The following SWT1 variants were observed in gnomAD, a reference collection of about 807,000 sequenced individuals.
SWT1 encodes transcriptional protein SWT1.
Under a neutral mutation model 107.3 loss-of-function variants are expected in SWT1, and 33 were observed. That is an observed-to-expected ratio of 0.31 (90% CI 0.23 to 0.41). The LOEUF is 0.41. Among genes scored for constraint, SWT1 ranks in the 10% least tolerant of loss-of-function variants. SWT1 has a pLI of 1.00. For synonymous variants in SWT1, 345 were observed against 348.3 expected, an observed-to-expected ratio of 0.99 and a Z score of 0.11; for missense variants, 898 against 1,028.9, an observed-to-expected ratio of 0.87 and a Z score of 1.74.
Position 185,202,516 on chromosome 1 carries a change from T to TA in SWT1, c.1524-132dup, listed in dbSNP as rs961552477. On this transcript the variant is annotated intron_variant, in intron 10 of 18. Coordinates refer to ENST00000367500, the MANE Select transcript of SWT1 (RefSeq NM_017673.7). ...CTAGTACCCAAAGCTCATATTTTTTTAAAAAAGTTGTTATTCTTTCTTAAG... is the reference window on the plus strand; with the variant it reads ...CTAGTACCCAAAGCTCATATTTTTTTAAAAAAAGTTGTTATTCTTTCTTAAG... The TA allele has an allele frequency of 3.5e-5, 20 of 570,214 alleles. No individual in the cohort carries two copies. In the African/African-American group the frequency reaches 4.0e-4, roughly 11 times the overall value. 35.3% of individuals were successfully genotyped at this position (570,214 alleles called of 1,614,324 possible). A position where few individuals can be genotyped will look rare whatever the true frequency, so the allele number is the denominator to read the frequency against.
intron 15 of SWT1, among the ~76,000 whole-genome samples, chr1:185,229,698 A>G (rs1358622414): frequency 1.3e-5 from 2 of 152,100 alleles, no homozygotes; most frequent in African/African-American, 2.4e-5. Context: ...AGAACCAGGT[A>G]TGTTAGTAAT....
chr1:185,228,899 T>C (rs1415097416), intron 15 of SWT1, among the ~76,000 whole-genome samples: 1 of 152,130 alleles, frequency 6.6e-6, no homozygotes, highest in East Asian at 1.9e-4. Context: ...AAAGAACATG[T>C]CTATATACAT....
intron 10 of SWT1, among the ~76,000 whole-genome samples, chr1:185,197,916 G>GT (rs1174864608): frequency 3.3e-5 from 5 of 151,998 alleles, no homozygotes; most frequent in African/African-American, 9.7e-5. Context: ...TTTTTGAAGG[G>GT]TTTTTTGTGT....
intron 16 of SWT1, among the ~76,000 whole-genome samples, chr1:185,235,985 T>C (rs1389784989): frequency 6.6e-6 from 1 of 152,182 alleles, no homozygotes; most frequent in Non-Finnish European, 1.5e-5. Context: ...ATACAACTTT[T>C]ACAAGGGATT....
intron 4 of SWT1, among the ~76,000 whole-genome samples, chr1:185,172,336 G>C (rs1160963479): frequency 6.6e-6 from 1 of 152,132 alleles, no homozygotes; most frequent in African/African-American, 2.4e-5. Context: ...TATATGTACA[G>C]ATTTGTATCC....
At chr1:185,181,600 A>G (rs561667417) in intron 6 of SWT1, among the ~76,000 whole-genome samples, 1 of 152,202 alleles carries the variant, frequency 6.6e-6, no homozygotes, top group Non-Finnish European at 1.5e-5. Flanking sequence ...ATGTCTAGGT[A>G]TTTGGCTCTG....
At chr1:185,236,842 T>A (rs9730169) in intron 16 of SWT1, among the ~76,000 whole-genome samples, 2 of 151,824 alleles carry the variant, frequency 1.3e-5, no homozygotes, top group Non-Finnish European at 2.9e-5. Flanking sequence ...ATCCAGAATA[T>A]ACAAAGAACT....
At chr1:185,251,691 T>C (rs1296508634) in intron 16 of SWT1, among the ~76,000 whole-genome samples, 1 of 151,918 alleles carries the variant, frequency 6.6e-6, no homozygotes, top group Non-Finnish European at 1.5e-5. Context: ...TTTTCTTTGC[T>C]TTTTCATCAA....
chr1:185,198,929 C>G (rs997652730), intron 10 of SWT1, among the ~76,000 whole-genome samples: 26 of 150,656 alleles, frequency 1.7e-4, no homozygotes, highest in African/African-American at 6.3e-4. Context: ...GGGCATTTAG[C>G]TCGTTTACAT....
At chr1:185,252,935 A>T (rs1302464214) in intron 16 of SWT1, among the ~76,000 whole-genome samples, 2 of 144,232 alleles carry the variant, frequency 1.4e-5, no homozygotes, top group African/African-American at 2.6e-5. Context: ...TTAAGTCTTT[A>T]ATCCATCTTG....
chr1:185,176,335 G>T (rs1290907151), intron 5 of SWT1, among the ~76,000 whole-genome samples: 1 of 148,992 alleles, frequency 6.7e-6, no homozygotes, highest in African/African-American at 2.5e-5. Flanking sequence ...AGGCTGGAGG[G>T]AGTAACATTT....
intron 13 of SWT1, among the ~76,000 whole-genome samples, chr1:185,210,719 ATACAGTG>A (rs1658724061): frequency 6.6e-6 from 1 of 152,172 alleles, no homozygotes; most frequent in South Asian, 2.1e-4. Context: ...AGAGAAATAA[ATACAGTG>A]TATTCAGTTA....
intron 5 of SWT1, among the ~76,000 whole-genome samples, 173 bp from the exon 6 acceptor site, chr1:185,180,218 A>T (rs897118670): frequency 6.6e-6 from 1 of 152,138 alleles, no homozygotes; most frequent in Non-Finnish European, 1.5e-5. Flanking sequence ...GTAGGTGGGT[A>T]GTACTACTGA....
At chr1:185,214,379 TA>T in intron 13 of SWT1, 127 bp from the exon 14 acceptor site, 1 of 556,640 alleles carries the variant, frequency 1.8e-6, no homozygotes, top group Non-Finnish European at 3.0e-6. Context: ...AGGGATAACT[TA>T]GGAGTGGCAT....
chr1:185,283,180 G>C (rs1285564418), intron 18 of SWT1, among the ~76,000 whole-genome samples: 1 of 152,174 alleles, frequency 6.6e-6, no homozygotes, highest in Admixed American at 6.5e-5. Flanking sequence ...TTCTAATAAA[G>C]CAAGGAATTA....
intron 9 of SWT1, among the ~76,000 whole-genome samples, chr1:185,187,944 C>T (rs370429467): frequency 2.6e-5 from 4 of 152,150 alleles, no homozygotes; most frequent in South Asian, 4.1e-4. Flanking sequence ...CTGCCTGCCT[C>T]GGCTTCCCAG....
chr1:185,176,806 A>G, intron 5 of SWT1: 5 of 504,592 alleles, frequency 9.9e-6, no homozygotes, highest in Non-Finnish European at 1.3e-5. Flanking sequence ...AACACAGTGA[A>G]ACATCATCTC....
chr1:185,165,973 C>G (rs796098841), intron 2 of SWT1, among the ~76,000 whole-genome samples: 3 of 152,328 alleles, frequency 2.0e-5, no homozygotes, highest in African/African-American at 7.2e-5. Context: ...CCCTCTGACT[C>G]CCAGCCTTTT....
chr1:185,269,356 AG>A (rs1223265740), intron 16 of SWT1, among the ~76,000 whole-genome samples: 11 of 146,012 alleles, frequency 7.5e-5, no homozygotes, highest in Non-Finnish European at 1.0e-4. Context: ...GCTTTTTTGG[AG>A]GGTTAAGAGG....
Sources: allele counts gnomAD v4.1 joint callset (sites outside exome capture counted in the v4.1 genomes callset), GRCh38; gene constraint gnomAD v4.1.1; transcripts MANE v1.5; gene names NCBI Gene and HGNC (gene_info 2026-07-23, HGNC 2026-07-21).